The following SLC36A2 variants were observed in gnomAD, a reference collection of about 807,000 sequenced individuals.
The protein encoded by SLC36A2 is proton-coupled amino acid transporter 2.
In SLC36A2, 39 loss-of-function variants were observed where a neutral mutation model predicts 42.7. The ratio of observed to expected loss-of-function variants is 0.91; its 90% CI spans 0.71 to 1.19. SLC36A2 has a LOEUF of 1.19. Ranked by LOEUF, SLC36A2 falls within the 50% of genes most tolerant of loss-of-function variation. The probability of loss-of-function intolerance (pLI) is 0.00; values close to 1 mark genes in which losing one functional copy is unlikely to be tolerated. For synonymous variants in SLC36A2, 237 were observed against 240.8 expected, an observed-to-expected ratio of 0.98 and a Z score of 0.15; for missense variants, 590 against 613.7, an observed-to-expected ratio of 0.96 and a Z score of 0.41.
intron 9 of SLC36A2, among the ~76,000 whole-genome samples, chr5:151,318,588 AT>A (rs1247959999): frequency 5.0e-5 from 7 of 140,126 alleles, no homozygotes; most frequent in Admixed American, 2.1e-4. Flanking sequence ...TATTTTATAT[AT>A]ATAAAAATAT....
chr5:151,324,626 C>T (rs1755799208), intron 8 of SLC36A2, among the ~76,000 whole-genome samples: 1 of 152,076 alleles, frequency 6.6e-6, no homozygotes, highest in African/African-American at 2.4e-5. Context: ...GCCATCACGC[C>T]TGGCCTGTTT....
chr5:151,322,068 G>A lies in SLC36A2; in HGVS notation c.1158C>T (p.Arg386=), dbSNP rs1755710948. 2 of 1,614,094 alleles carry A rather than the reference G, an allele frequency of 1.2e-6. No individual in the cohort carries two copies. Among genetic ancestry groups the A allele is most frequent in the African/African-American group, 2.7e-5 (2 of 74,930 alleles). Residue 386 remains arginine (R), a synonymous_variant, in exon 9 of 10, where the codon CGC becomes CGT. Transcript: ENST00000335244. ...CACATGTCAGGCAGACCATGACGAG[G>A]CGAATGGACAGATCCAGAGGCAGTG... ...RWALPLDLSI[R]LVMVCLTCLL...
intron 9 of SLC36A2, among the ~76,000 whole-genome samples, chr5:151,320,102 A>AT (rs1755640035): frequency 6.7e-6 from 1 of 148,786 alleles, no homozygotes. Flanking sequence ...AGTAAAAAAA[A>AT]GTTCTTTGAA....
intron 1 of SLC36A2, among the ~76,000 whole-genome samples, chr5:151,344,744 G>C (rs1362708693): frequency 1.3e-5 from 2 of 152,130 alleles, no homozygotes. Context: ...CGTAAGTAAA[G>C]AAACAACCCC....
intron 6 of SLC36A2, 73 bp downstream of exon 6, chr5:151,335,254 GTA>G (rs1334384307): frequency 4.3e-6 from 5 of 1,150,504 alleles, no homozygotes; most frequent in South Asian, 2.6e-5. Flanking sequence ...TTGGCTCCAG[GTA>G]TCTAAAGCTC....
chr5:151,316,763 A>AAT lies in SLC36A2; in HGVS notation c.*53_*54insAT. 5 of 1,490,256 alleles carry AAT rather than the reference A, an allele frequency of 3.4e-6. No individual in the cohort carries two copies. The highest frequency in any genetic ancestry group is 4.5e-6 in the Non-Finnish European group (5 of 1,102,386). The allele number at this position is 1,490,256 out of a possible 1,614,324, so 92.3% of individuals were successfully genotyped here. A position where few individuals can be genotyped will look rare whatever the true frequency, so the allele number is the denominator to read the frequency against. On this transcript the variant is annotated 3_prime_UTR_variant, in exon 10 of 10. Coordinates refer to ENST00000335244, the MANE Select transcript of SLC36A2 (RefSeq NM_181776.3). The stretch of plus-strand genomic sequence containing the variant: ...CTCAAAAAAAAAAAAAAAAAAAAAA[A>AAT]GAGATCCATATAATTAAAAGTCGGG...
chr5:151,340,720 A>T (rs10072612), intron 4 of SLC36A2, among the ~76,000 whole-genome samples: 1 of 152,156 alleles, frequency 6.6e-6, no homozygotes, highest in Non-Finnish European at 1.5e-5. Context: ...TACAACAAGA[A>T]GGTCTTTTAG....
chr5:151,341,368 C>A (rs965007932), intron 4 of SLC36A2, among the ~76,000 whole-genome samples: 1 of 152,036 alleles, frequency 6.6e-6, no homozygotes, highest in African/African-American at 2.4e-5. Flanking sequence ...GGGCTTTGAG[C>A]GAAGGGTGGT....
In SLC36A2 at chr5:151,325,439, TCC is replaced by T. The variant is rs1210045324; in HGVS notation, c.855_856del (p.Glu286LysfsTer38). On this transcript the variant is annotated frameshift_variant, in exon 8 of 10. Transcript: ENST00000335244. LOFTEE classifies it high-confidence loss of function. ...GTGGCGGGCATTCTTCATCTTGTTT[TCC>T]AGAGGCAGAACCTACAGAAACATCA... 7 of 1,614,082 alleles carry T rather than the reference TCC, an allele frequency of 4.3e-6. No individual in the cohort carries two copies. The highest frequency in any genetic ancestry group is 5.1e-6 in the Non-Finnish European group (6 of 1,180,018).
In SLC36A2 at chr5:151,347,431, G is replaced by T; in HGVS notation, c.30C>A (p.Pro10=). MSVTKSTEG[P]QGAVAIKLDL... is the part of the protein sequence containing the mutation. ...CCAATTTGATGGCAACGGCTCCCTGGGGACCCTCAGTACTTTTTGTCACAG... is the reference window on the plus strand; with the variant it reads ...CCAATTTGATGGCAACGGCTCCCTGTGGACCCTCAGTACTTTTTGTCACAG... Residue 10 remains proline, a synonymous_variant, in exon 1 of 10, where the codon CCC becomes CCA. Coordinates refer to ENST00000335244, the MANE Select transcript of SLC36A2 (RefSeq NM_181776.3). The T allele has an allele frequency of 6.2e-7, 1 of 1,614,150 alleles. No homozygotes were observed.
chr5:151,330,144 G>GA (rs1042864608), intron 7 of SLC36A2, among the ~76,000 whole-genome samples: 1 of 151,900 alleles, frequency 6.6e-6, no homozygotes, highest in Non-Finnish European at 1.5e-5. Flanking sequence ...GATTGGTGAA[G>GA]AAAAAACCTT....
intron 7 of SLC36A2, among the ~76,000 whole-genome samples, chr5:151,329,682 C>A (rs958075676): frequency 6.6e-6 from 1 of 151,914 alleles, no homozygotes. Context: ...GGCTTGATAG[C>A]GGAATGTAGA....
intron 4 of SLC36A2, among the ~76,000 whole-genome samples, chr5:151,340,167 GGAA>G (rs746180560): frequency 6.2e-5 from 7 of 112,394 alleles, no homozygotes; most frequent in Non-Finnish European, 9.6e-5. Flanking sequence ...AGGAAGAAGA[GGAA>G]GGAGGAGGAG....
chr5:151,339,114 G>A lies in SLC36A2; in HGVS notation c.471C>T (p.Thr157=), dbSNP rs776428086. ...RHIVSFFLII[T]QLGFCCVYIV... ...TGTACACACAGCAGAAGCCAAGTTG[G>A]GTGATAATAAGGAAGAAGCTCACGA... The change falls in exon 5 of 10, where the codon ACC becomes ACT. Residue 157 remains threonine, a synonymous_variant. Coordinates refer to ENST00000335244, the MANE Select transcript of SLC36A2 (RefSeq NM_181776.3). 1.5e-5 allele frequency: 24 copies of A among 1,609,600 alleles called. 1 individual carries two copies. Among genetic ancestry groups the A allele is most frequent in the South Asian group, 1.1e-4 (10 of 90,982 alleles).
chr5:151,343,404 T>C (rs1036144039), intron 3 of SLC36A2, 106 bp downstream of exon 3: 5 of 1,195,096 alleles, frequency 4.2e-6, no homozygotes, highest in African/African-American at 1.5e-5. Flanking sequence ...CTTGGCCTTA[T>C]TGGAGAAAAC....
chr5:151,333,324 T>C lies in SLC36A2; in HGVS notation c.745-2A>G. The C allele has an allele frequency of 1.2e-6, 2 of 1,613,122 alleles. No homozygotes were observed. The highest frequency in any genetic ancestry group is 1.7e-6 in the Non-Finnish European group (2 of 1,179,178). ...CAACCGGCTGGGGTCTGGGATTTCC[T>C]AAAGAAGAAAGAAATGCTATGAGAC... On this transcript the variant is annotated splice_acceptor_variant, in intron 6 of 9. Transcript: ENST00000335244. LOFTEE classifies it high-confidence loss of function.
intron 1 of SLC36A2, among the ~76,000 whole-genome samples, chr5:151,346,217 G>A (rs892207819): frequency 3.3e-5 from 5 of 152,144 alleles, no homozygotes; most frequent in African/African-American, 1.2e-4. Context: ...ACTTAGCAGT[G>A]GCTGGCCCCA....
At chr5:151,323,290 G>GAAATAA (rs1561651875) in intron 8 of SLC36A2, among the ~76,000 whole-genome samples, 86 of 114,668 alleles carry the variant, frequency 7.5e-4, no homozygotes, top group African/African-American at 2.4e-3. Flanking sequence ...TAAATAAATG[G>GAAATAA]GTGTGTGTGT....
chr5:151,344,500 A>G (rs1165187472), intron 1 of SLC36A2, among the ~76,000 whole-genome samples: 2 of 152,190 alleles, frequency 1.3e-5, no homozygotes, highest in South Asian at 2.1e-4. Flanking sequence ...CACTTACTAT[A>G]TGAGACACTG....
Sources: allele counts gnomAD v4.1 joint callset (sites outside exome capture counted in the v4.1 genomes callset), GRCh38; gene constraint gnomAD v4.1.1; transcripts MANE v1.5; gene names NCBI Gene and HGNC (gene_info 2026-07-23, HGNC 2026-07-21).